TSBP1: variants seen among roughly 807,000 people sequenced by gnomAD.
TSBP1 encodes testis-expressed basic protein 1.
A neutral mutation model predicts 68.8 loss-of-function variants in TSBP1; 56 were observed. The ratio of observed to expected loss-of-function variants is 0.81; its 90% CI spans 0.66 to 1.02. The LOEUF (loss-of-function observed/expected upper bound fraction) is 1.02, where lower values mean the gene tolerates loss of function less well. Among genes scored for constraint, TSBP1 ranks in the 50% least tolerant of loss-of-function variants. The probability of loss-of-function intolerance (pLI) is 0.00; values close to 1 mark genes in which losing one functional copy is unlikely to be tolerated. For missense variants in TSBP1, 502 were observed against 641.2 expected (o/e 0.78, Z 2.34); for synonymous variants, 171 against 208.7 (o/e 0.82, Z 1.56).
intron 15 of TSBP1, 123 bp from the exon 17 acceptor site, chr6:32,330,732 G>T: frequency 8.2e-7 from 1 of 1,214,112 alleles, no homozygotes; most frequent in Admixed American, 2.7e-5. Flanking sequence ...GTGTGGTAGG[G>T]TGATCTTGGC....
In TSBP1 at chr6:32,357,690, C is replaced by T. The variant is rs1380983046; in HGVS notation, c.218-2021G>A. On this transcript the variant is annotated intron_variant, in intron 6 of 22. Transcript: ENST00000612031. This position sits in a 1 kb window ranked among gnomAD's most constrained non-coding sequence, Gnocchi z 4.7. ...GATTTGGAGTATAATTTGAAAGCATCAGAGATGGGATTTGATGGTGGATTG... is the reference window on the plus strand; with the variant it reads ...GATTTGGAGTATAATTTGAAAGCATTAGAGATGGGATTTGATGGTGGATTG... 6.6e-6 allele frequency among the ~76,000 whole-genome samples: 1 copy of T among 152,032 alleles called. No individual in the cohort carries two copies. Among genetic ancestry groups the T allele is most frequent in the Non-Finnish European group, 1.5e-5 (1 of 67,994 alleles).
At chr6:32,334,402 A>G (rs182332315) in intron 14 of TSBP1, among the ~76,000 whole-genome samples, 7 of 152,228 alleles carry the variant, frequency 4.6e-5, no homozygotes, top group Admixed American at 1.3e-4. Flanking sequence ...ACTTCATTTT[A>G]TTCATTGTTA....
At chr6:32,301,701 C>G (rs1257965498) in intron 20 of TSBP1, among the ~76,000 whole-genome samples, 1 of 104,474 alleles carries the variant, frequency 9.6e-6, no homozygotes, top group African/African-American at 3.3e-5. Flanking sequence ...GTGAGTGAAA[C>G]GCTGTTTTAA....
chr6:32,330,549 T>C (rs755722435), intron 16 of TSBP1, 40 bp downstream of exon 17: 2 of 1,594,882 alleles, frequency 1.3e-6, no homozygotes, highest in African/African-American at 2.7e-5. Context: ...CTGTAGAAGA[T>C]CAAGGAACCT....
Position 32,348,114 on chromosome 6 carries a change from T to C in TSBP1, c.349+1626A>G. The stretch of plus-strand genomic sequence containing the variant: ...TTACCTCACTAGAATCTATGCTGTC[T>C]GTGAAATACTTATGTTGTCTTAGGT... On this transcript the variant is annotated intron_variant, in intron 9 of 22. Transcript: ENST00000612031. Among the ~76,000 whole-genome samples the C allele has an allele frequency of 1.3e-5, 2 of 152,252 alleles. 1 individual carries two copies. Among genetic ancestry groups the C allele is most frequent in the East Asian group, 3.8e-4 (2 of 5,200 alleles).
chr6:32,356,809 T>A (rs1316873235), intron 6 of TSBP1: 2 of 154,378 alleles, frequency 1.3e-5, no homozygotes, highest in African/African-American at 4.8e-5. Context: ...CATTTTAATA[T>A]GCTGCACTTG....
At chr6:32,351,739 A>G (rs945851792) in intron 8 of TSBP1, among the ~76,000 whole-genome samples, 5 of 152,112 alleles carry the variant, frequency 3.3e-5, no homozygotes, top group Non-Finnish European at 5.9e-5. Flanking sequence ...CTCAGAGTAA[A>G]TGGAAGCATT....
intron 2 of TSBP1, among the ~76,000 whole-genome samples, chr6:32,369,349 T>G (rs1356823717): frequency 1.3e-5 from 2 of 149,440 alleles, no homozygotes; most frequent in Non-Finnish European, 3.0e-5. Context: ...TAAAATATTC[T>G]TATTACTTTT....
At chr6:32,334,354 C>T (rs536128442) in intron 14 of TSBP1, among the ~76,000 whole-genome samples, 9 of 152,178 alleles carry the variant, frequency 5.9e-5, no homozygotes, top group African/African-American at 1.4e-4. Flanking sequence ...CACTTTTTCT[C>T]CTCTAGGCCT....
intron 19 of TSBP1, among the ~76,000 whole-genome samples, chr6:32,305,121 C>A (rs1249714134): frequency 6.6e-6 from 1 of 152,126 alleles, no homozygotes; most frequent in Non-Finnish European, 1.5e-5. Context: ...TTTGCCTAGG[C>A]CTTTCCTGGG....
chr6:32,349,333 G>A (rs913274846), intron 9 of TSBP1, among the ~76,000 whole-genome samples: 3 of 151,948 alleles, frequency 2.0e-5, no homozygotes, highest in Admixed American at 6.6e-5. Flanking sequence ...CTGCCAGCCT[G>A]ACTTGGGGAT....
chr6:32,371,689 C>T lies in TSBP1; in HGVS notation c.13+5G>A. ...GGAAGCCTCAAAGAGGGAGTTAGTC[C>T]ATACCCAAGACTGTCATTTTCCATG... On this transcript the variant is annotated splice_donor_5th_base_variant and intron_variant, in intron 1 of 22. Transcript: ENST00000612031. The T allele has an allele frequency of 6.2e-7, 1 of 1,610,236 alleles. No homozygotes were observed. The highest frequency in any genetic ancestry group is 8.5e-7 in the Non-Finnish European group (1 of 1,176,390).
rs1322215573 is a variant in TSBP1 at position 32,357,857 on chromosome 6, A to G, written c.218-2188T>C. Among the ~76,000 whole-genome samples the G allele has an allele frequency of 3.9e-5, 6 of 152,148 alleles. No homozygotes were observed. The highest frequency in any genetic ancestry group is 1.4e-4 in the African/African-American group (6 of 41,422). ...ATGCTAAGAGTGAGATGCCTTTCAT[A>G]TATCTTCAGGACACGTGTGCTATGA... On this transcript the variant is annotated intron_variant, in intron 6 of 22. Transcript: ENST00000612031. This position sits in a 1 kb window ranked among gnomAD's most constrained non-coding sequence, Gnocchi z 4.7.
intron 16 of TSBP1, 24 bp from the exon 18 acceptor site, chr6:32,323,638 G>A: frequency 6.2e-7 from 1 of 1,610,678 alleles, no homozygotes; most frequent in Non-Finnish European, 8.5e-7. Context: ...AGGTATCTTA[G>A]CAACTGTTTT....
intron 18 of TSBP1, among the ~76,000 whole-genome samples, chr6:32,318,048 A>G (rs1767164462): frequency 6.6e-6 from 1 of 152,204 alleles, no homozygotes; most frequent in Non-Finnish European, 1.5e-5. Flanking sequence ...CATGGAATCA[A>G]CCTAAATGCC....
At chr6:32,324,118 G>A (rs1767945007) in intron 16 of TSBP1, among the ~76,000 whole-genome samples, 1 of 152,066 alleles carries the variant, frequency 6.6e-6, no homozygotes, top group African/African-American at 2.4e-5. Context: ...TATTTAAAAG[G>A]TGAGAGAATG....
At chr6:32,369,523 A>T (rs376301181) in intron 2 of TSBP1, among the ~76,000 whole-genome samples, 3 of 152,122 alleles carry the variant, frequency 2.0e-5, no homozygotes, top group East Asian at 3.9e-4. Context: ...GTTACCTGCC[A>T]CCATGCCCAG....
chr6:32,344,892 T>G (rs1011731849), intron 9 of TSBP1, among the ~76,000 whole-genome samples: 1 of 152,076 alleles, frequency 6.6e-6, no homozygotes, highest in African/African-American at 2.4e-5. Context: ...AGGGTTTCAC[T>G]CTGTTGCCCA....
intron 19 of TSBP1, among the ~76,000 whole-genome samples, chr6:32,312,646 T>G (rs1766519857): frequency 6.6e-6 from 1 of 152,188 alleles, no homozygotes; most frequent in African/African-American, 2.4e-5. Context: ...CCTATAAATC[T>G]GCTCTTCTCC....
Sources: gnomAD v4.1 joint callset for allele counts (sites outside exome capture counted in the v4.1 genomes callset) on GRCh38, gnomAD v4.1.1 for gene constraint, Gnocchi (gnomAD v3.1) non-coding constraint, MANE v1.5 for transcripts, NCBI Gene and HGNC (gene_info 2026-07-23, HGNC 2026-07-21) for gene names.